Variants in VPS13D observed in about 807,000 individuals in gnomAD.
The protein encoded by VPS13D is intermembrane lipid transfer protein VPS13D.
A neutral mutation model predicts 461.9 loss-of-function variants in VPS13D; 187 were observed. The observed-to-expected ratio is 0.40, with a 90% CI of 0.36 to 0.46. The LOEUF (loss-of-function observed/expected upper bound fraction) is 0.46, where lower values mean the gene tolerates loss of function less well. VPS13D is among the 20% of genes least tolerant of loss of function. VPS13D has a pLI of 0.60. For missense variants in VPS13D, 4,711 were observed against 5,364.9 expected (o/e 0.88, Z 3.81); for synonymous variants, 1,951 against 1,986.3 (o/e 0.98, Z 0.47).
At chr1:12,319,458 TC>T in intron 31 of VPS13D, 38 bp from the exon 32 acceptor site, 1 of 1,610,854 alleles carries the variant, frequency 6.2e-7, no homozygotes, top group Non-Finnish European at 8.5e-7. Context: ...TTTTCCAGCT[TC>T]CCAGCTCTGG....
intron 5 of VPS13D, among the ~76,000 whole-genome samples, chr1:12,248,721 A>G (rs188311622): frequency 6.6e-6 from 1 of 152,232 alleles, no homozygotes; most frequent in African/African-American, 2.4e-5. Context: ...GGGGAAATAC[A>G]TATATACATA....
chr1:12,400,960 G>GCACACACACACACACACACACA (rs1348890891), intron 61 of VPS13D, among the ~76,000 whole-genome samples: 1 of 130,964 alleles, frequency 7.6e-6, no homozygotes, highest in Non-Finnish European at 1.6e-5. Context: ...ACCTGCGCGC[G>GCACACACACACACACACACACA]CGCACACACA....
At chr1:12,432,094 G>A (rs553510735) in intron 65 of VPS13D, among the ~76,000 whole-genome samples, 1 of 152,122 alleles carries the variant, frequency 6.6e-6, no homozygotes, top group Non-Finnish European at 1.5e-5. Flanking sequence ...TCTAAAGGCT[G>A]TGTGAAAGAA....
intron 65 of VPS13D, among the ~76,000 whole-genome samples, chr1:12,434,865 G>C (rs1430464534): frequency 1.3e-5 from 2 of 152,194 alleles, no homozygotes; most frequent in African/African-American, 4.8e-5. Context: ...ATTCTGGACT[G>C]TTGGTGGGTT....
chr1:12,418,318 C>T (rs1644821412), intron 65 of VPS13D, among the ~76,000 whole-genome samples: 1 of 152,196 alleles, frequency 6.6e-6, no homozygotes, highest in South Asian at 2.1e-4. Flanking sequence ...TTCTCACACT[C>T]CCATGTTCCC....
intron 3 of VPS13D, 56 bp from the exon 4 acceptor site, chr1:12,244,190 T>C: frequency 1.3e-6 from 2 of 1,523,898 alleles, no homozygotes; most frequent in Non-Finnish European, 1.8e-6. Flanking sequence ...TACCAAAAAA[T>C]GGAAAGAATT....
intron 67 of VPS13D, among the ~76,000 whole-genome samples, chr1:12,491,148 T>C (rs1290448453): frequency 6.6e-6 from 1 of 152,206 alleles, no homozygotes; most frequent in Non-Finnish European, 1.5e-5. Context: ...AGTAAGATAC[T>C]TGATTAAAAC....
chr1:12,249,149 CTTTTTCT>C, intron 5 of VPS13D, 67 bp from the exon 6 acceptor site: 62 of 1,265,900 alleles, frequency 4.9e-5, no homozygotes, highest in Non-Finnish European at 6.8e-5. Flanking sequence ...TATCTAAATG[CTTTTTCT>C]TTTTTCTTTT....
chr1:12,290,788 T>G (rs564220702), intron 22 of VPS13D, among the ~76,000 whole-genome samples: 2 of 150,556 alleles, frequency 1.3e-5, no homozygotes, highest in Non-Finnish European at 3.0e-5. Context: ...GCATTGAGAC[T>G]TTTTTTTTCC....
chr1:12,400,969 C>T (rs1377640055), intron 61 of VPS13D, among the ~76,000 whole-genome samples: 1 of 139,220 alleles, frequency 7.2e-6, no homozygotes. Context: ...CGCGCACACA[C>T]ACACACACAC....
intron 58 of VPS13D, among the ~76,000 whole-genome samples, chr1:12,384,440 T>C (rs185961753): frequency 1.3e-5 from 2 of 152,216 alleles, no homozygotes; most frequent in African/African-American, 2.4e-5. Context: ...CTGTGTGATA[T>C]CTATGTGAAG....
At position 12,276,890 on chromosome 1, in the gene VPS13D, A is replaced by G; in HGVS notation, c.3302A>G (p.Gln1101Arg). Residue 1101 changes from glutamine (Q) to arginine (R), a missense_variant, in exon 19 of 70, where the codon CAG (glutamine) becomes CGG (arginine). This residue lies in a region of VPS13D where 4,411 missense variants were observed against 4,937.8 expected (regional missense o/e 0.89). Coordinates refer to ENST00000620676, the MANE Select transcript of VPS13D (RefSeq NM_015378.4). This position sits in a 1 kb window ranked among gnomAD's most constrained non-coding sequence, Gnocchi z 4.5. ...TCGATGAATTTAGACAGTACTCTTCAGGTGATTTCCCTACAGGTGAATAAT... is the reference window on the plus strand; with the variant it reads ...TCGATGAATTTAGACAGTACTCTTCGGGTGATTTCCCTACAGGTGAATAAT... ...CPSMNLDSTL[Q>R]VISLQVNNLD... 1.2e-6 allele frequency: 2 copies of G among 1,614,228 alleles called. No individual in the cohort carries two copies. The highest frequency in any genetic ancestry group is 8.5e-7 in the Non-Finnish European group (1 of 1,180,024).
At position 12,318,132 on chromosome 1, in the gene VPS13D, A is replaced by G; in HGVS notation, c.7209A>G (p.Ile2403Met). 1 of 1,614,066 alleles carries G rather than the reference A, an allele frequency of 6.2e-7. No individual in the cohort carries two copies. The highest frequency in any genetic ancestry group is 8.5e-7 in the Non-Finnish European group (1 of 1,179,950). Reference sequence around the variant, plus strand: ...TCAACAATCTCCGTGTGTTTCTCATATTTGACTGGCTACTGTTAGTCCATG... The same window carrying G: ...TCAACAATCTCCGTGTGTTTCTCATGTTTGACTGGCTACTGTTAGTCCATG... Reference protein sequence around the residue: ...VVLNNLRVFLIFDWLLLVHDF... With the variant: ...VVLNNLRVFLMFDWLLLVHDF... Residue 2403 changes from isoleucine (I) to methionine (M), a missense_variant, in exon 31 of 70, where the codon ATA becomes ATG. Physicochemically the swap from Ile to Met is conservative, Grantham distance 10 (BLOSUM62 1). Around this residue, in one of 3 missense-constraint regions of VPS13D, gnomAD observed 4,411 missense variants for 4,937.8 expected, o/e 0.89. Coordinates refer to ENST00000620676, the MANE Select transcript of VPS13D (RefSeq NM_015378.4).
chr1:12,381,401 T>G (rs900153703), intron 57 of VPS13D, among the ~76,000 whole-genome samples: 2 of 152,232 alleles, frequency 1.3e-5, no homozygotes, highest in Admixed American at 6.5e-5. Context: ...GCCTTGTGTT[T>G]GCTTTCCCAC....
At chr1:12,259,154 A>C (rs545947388) in intron 10 of VPS13D, among the ~76,000 whole-genome samples, 82 of 150,728 alleles carry the variant, frequency 5.4e-4, no homozygotes, top group Non-Finnish European at 9.6e-4. Flanking sequence ...CCATTCTCCC[A>C]ACTCAGCCTT....
intron 25 of VPS13D, among the ~76,000 whole-genome samples, chr1:12,303,840 A>C (rs1642489533): frequency 6.6e-6 from 1 of 152,234 alleles, no homozygotes; most frequent in Non-Finnish European, 1.5e-5. Flanking sequence ...GTTCTGGTGA[A>C]ATAGATTTTC....
intron 18 of VPS13D, among the ~76,000 whole-genome samples, chr1:12,274,695 T>C (rs892261885): frequency 3.3e-5 from 5 of 152,156 alleles, no homozygotes; most frequent in Admixed American, 2.0e-4. Flanking sequence ...GGCCACACAA[T>C]TGCATATTGA....
intron 67 of VPS13D, among the ~76,000 whole-genome samples, chr1:12,496,411 CT>C (rs1645957633): frequency 1.3e-5 from 2 of 152,354 alleles, no homozygotes; most frequent in South Asian, 4.1e-4. Flanking sequence ...GGGGTTGTTT[CT>C]GTCCATATTT....
intron 38 of VPS13D, among the ~76,000 whole-genome samples, 167 bp from the exon 39 acceptor site, chr1:12,335,538 T>C (rs191689553): frequency 1.4e-4 from 21 of 152,308 alleles, no homozygotes; most frequent in African/African-American, 5.1e-4. Flanking sequence ...GTAATCTCTT[T>C]CAGTGGAGCG....
Sources: allele counts gnomAD v4.1 joint callset (sites outside exome capture counted in the v4.1 genomes callset), GRCh38; gene constraint gnomAD v4.1.1; regional missense constraint gnomAD v4.1.1; non-coding constraint Gnocchi (gnomAD v3.1); transcripts MANE v1.5; gene names NCBI Gene and HGNC (gene_info 2026-07-23, HGNC 2026-07-21).